Variants in BATF3 observed in about 807,000 individuals in gnomAD.
BATF3 encodes basic leucine zipper transcriptional factor ATF-like 3.
BATF3 carries 8 observed loss-of-function variants against 16.1 expected under a neutral mutation model. The ratio of observed to expected loss-of-function variants is 0.50; its 90% confidence interval spans 0.29 to 0.90. BATF3 has a LOEUF of 0.90. Among genes scored for constraint, BATF3 ranks in the 40% least tolerant of loss-of-function variants. The pLI, the probability that BATF3 is intolerant of heterozygous loss-of-function variation, is 0.08. For missense variants in BATF3, 139 were observed against 167.0 expected (o/e 0.83, Z 0.92); for synonymous variants, 74 against 72.7 (o/e 1.02, Z -0.09).
At chr1:212,691,520 G>A (rs138354567) in intron 2 of BATF3, among the ~76,000 whole-genome samples, 1 of 152,370 alleles carries the variant, frequency 6.6e-6, no homozygotes, top group African/African-American at 2.4e-5. Context: ...AGCCTTCACT[G>A]ATGCACTTCC....
At position 212,689,146 on chromosome 1, in the gene BATF3, TC is replaced by T. The variant is rs1656933972; in HGVS notation, c.196-2168del. Reference sequence around the variant, plus strand: ...AATTTCACTCATATGAAGTAATGTCTCCCCCCAAAGATCAGAAATGTAAAGG... The same window carrying T: ...AATTTCACTCATATGAAGTAATGTCTCCCCCAAAGATCAGAAATGTAAAGG... On this transcript the variant is annotated intron_variant, in intron 2 of 2. Coordinates refer to ENST00000243440, the MANE Select transcript of BATF3 (RefSeq NM_018664.3). The surrounding 1 kb of genome is among the most constrained non-coding windows in gnomAD (Gnocchi z 4.6). 1.3e-5 allele frequency among the ~76,000 whole-genome samples: 2 copies of T among 151,894 alleles called. No individual in the cohort carries two copies. Among genetic ancestry groups the T allele is most frequent in the African/African-American group, 4.8e-5 (2 of 41,330 alleles).
chr1:212,689,207 C>T lies in BATF3; in HGVS notation c.196-2228G>A, dbSNP rs191069760. 1.4e-3 allele frequency among the ~76,000 whole-genome samples: 216 copies of T among 152,326 alleles called. No individual in the cohort carries two copies. Among genetic ancestry groups the T allele is most frequent in the Non-Finnish European group, 2.8e-3 (193 of 68,024 alleles). On this transcript the variant is annotated intron_variant, in intron 2 of 2. Coordinates refer to ENST00000243440, the MANE Select transcript of BATF3 (RefSeq NM_018664.3). This position sits in a 1 kb window ranked among gnomAD's most constrained non-coding sequence, Gnocchi z 4.6. ...CTTCTGCTACTCCTCTCCTCTACCC[C>T]CTGCCTGATGCGCCACAGCACCAGC...
chr1:212,694,996 T>A (rs890363651), intron 2 of BATF3, among the ~76,000 whole-genome samples: 6 of 152,204 alleles, frequency 3.9e-5, no homozygotes, highest in African/African-American at 1.4e-4. Context: ...AAGATTGCCC[T>A]TTTCCTCTCC....
At position 212,697,021 on chromosome 1, in the gene BATF3, G is replaced by GT; in HGVS notation, c.134dup (p.Asn45LysfsTer17). 1 of 1,614,134 alleles carries GT rather than the reference G, an allele frequency of 6.2e-7. No homozygotes were observed. Among genetic ancestry groups the GT allele is most frequent in the Non-Finnish European group, 8.5e-7 (1 of 1,180,026 alleles). Reference sequence around the variant, plus strand: ...TCCGACTTCTCTGAGCAGCAACTCGGTTTTTTTCTCTCCTTCGGACCTTCC... The same window carrying GT: ...TCCGACTTCTCTGAGCAGCAACTCGGTTTTTTTTCTCTCCTTCGGACCTTCC... On this transcript the variant is annotated frameshift_variant, in exon 2 of 3. Coordinates refer to ENST00000243440, the MANE Select transcript of BATF3 (RefSeq NM_018664.3). LOFTEE classifies it high-confidence loss of function.
At chr1:212,696,848 A>T in intron 2 of BATF3, 113 bp downstream of exon 2, 1 of 794,140 alleles carries the variant, frequency 1.3e-6, no homozygotes, top group Non-Finnish European at 2.1e-6. Flanking sequence ...CCTGGCAGAA[A>T]TTAGATATGA....
chr1:212,690,264 C>T (rs571920301), intron 2 of BATF3, among the ~76,000 whole-genome samples: 6 of 152,342 alleles, frequency 3.9e-5, no homozygotes, highest in African/African-American at 1.4e-4. Context: ...GCAAGACGCT[C>T]TGAGCTTCCC....
At chr1:212,691,109 G>T (rs1400745750) in intron 2 of BATF3, among the ~76,000 whole-genome samples, 1 of 152,166 alleles carries the variant, frequency 6.6e-6, no homozygotes, top group African/African-American at 2.4e-5. Context: ...GCATCTAGGA[G>T]CAGGTGACTG....
Position 212,696,964 on chromosome 1 carries a change from A to G in BATF3, c.192T>C (p.His64=), listed in dbSNP as rs1476658712. 2 of 1,613,920 alleles carry G rather than the reference A, an allele frequency of 1.2e-6. No individual in the cohort carries two copies. Among genetic ancestry groups the G allele is most frequent in the African/African-American group, 2.7e-5 (2 of 74,914 alleles). Residue 64 remains histidine, a synonymous_variant, in exon 2 of 3, where the codon CAT becomes CAC. Coordinates refer to ENST00000243440, the MANE Select transcript of BATF3 (RefSeq NM_018664.3). The stretch of plus-strand genomic sequence containing the variant: ...CTTGCCCCTACCACGGTCTCACCTC[A>G]TGGAGCTTGTCAGCCTTCTGGGTCT... ...KKQTQKADKL[H]EEYESLEQEN...
intron 2 of BATF3, among the ~76,000 whole-genome samples, chr1:212,688,486 A>C (rs1225004876): frequency 6.6e-6 from 1 of 152,222 alleles, no homozygotes; most frequent in Admixed American, 6.5e-5. Flanking sequence ...ATGATGATGG[A>C]TGCTATGGGG....
intron 2 of BATF3, among the ~76,000 whole-genome samples, chr1:212,694,429 C>T (rs530623343): frequency 5.3e-5 from 8 of 152,208 alleles, no homozygotes; most frequent in African/African-American, 1.7e-4. Flanking sequence ...CTCTTTGTGA[C>T]CCAATGGCAA....
intron 2 of BATF3, among the ~76,000 whole-genome samples, chr1:212,695,100 T>G (rs995492491): frequency 6.6e-6 from 1 of 152,218 alleles, no homozygotes; most frequent in Non-Finnish European, 1.5e-5. Flanking sequence ...CAATGCCTCA[T>G]GCCTGTAATT....
intron 2 of BATF3, among the ~76,000 whole-genome samples, chr1:212,694,616 T>G (rs1347343828): frequency 1.3e-5 from 2 of 152,224 alleles, no homozygotes; most frequent in Non-Finnish European, 2.9e-5. Context: ...AGTAATGCCT[T>G]GGCCATCCAG....
chr1:212,690,937 C>G (rs1315529619), intron 2 of BATF3, among the ~76,000 whole-genome samples: 1 of 152,206 alleles, frequency 6.6e-6, no homozygotes, highest in Non-Finnish European at 1.5e-5. Flanking sequence ...TGTATGGAGA[C>G]AGTTTGGGTT....
rs535938713 is a variant in BATF3, at chr1:212,699,167, G to C, written c.90+506C>G. On this transcript the variant is annotated intron_variant, in intron 1 of 2. Transcript: ENST00000243440. This position sits in a 1 kb window ranked among gnomAD's most constrained non-coding sequence, Gnocchi z 4.4. Reference sequence around the variant, plus strand: ...GACAGCGAACTGGGAAGGGGCAAAGGGTTTCCACCAGCTGGGGGCGGAGTC... The same window carrying C: ...GACAGCGAACTGGGAAGGGGCAAAGCGTTTCCACCAGCTGGGGGCGGAGTC... Among the ~76,000 whole-genome samples, 844 of 152,348 alleles carry C rather than the reference G, an allele frequency of 5.5e-3. 6 individuals carry two copies. The highest frequency in any genetic ancestry group is 6.0e-3 in the Non-Finnish European group (408 of 68,040).
Position 212,689,531 on chromosome 1 carries a change from T to G in BATF3, c.196-2552A>C, listed in dbSNP as rs1258909021. Among the ~76,000 whole-genome samples the G allele has an allele frequency of 6.6e-6, 1 of 152,150 alleles. No homozygotes were observed. The highest frequency in any genetic ancestry group is 1.5e-5 in the Non-Finnish European group (1 of 68,016). On this transcript the variant is annotated intron_variant, in intron 2 of 2. Transcript: ENST00000243440. This position sits in a 1 kb window ranked among gnomAD's most constrained non-coding sequence, Gnocchi z 4.6. Reference sequence around the variant, plus strand: ...AGCCTTCATGCCCTCCTTTGACCTCTGACAAGCTCTAGTTCTGGAGTGAGA... The same window carrying G: ...AGCCTTCATGCCCTCCTTTGACCTCGGACAAGCTCTAGTTCTGGAGTGAGA...
intron 2 of BATF3, among the ~76,000 whole-genome samples, chr1:212,690,877 A>G (rs1656984094): frequency 6.6e-6 from 1 of 152,228 alleles, no homozygotes; most frequent in Non-Finnish European, 1.5e-5. Flanking sequence ...TGCCTAAGGC[A>G]GTGGATCTCA....
At chr1:212,695,914 T>C (rs1375948060) in intron 2 of BATF3, among the ~76,000 whole-genome samples, 1 of 152,188 alleles carries the variant, frequency 6.6e-6, no homozygotes, top group Non-Finnish European at 1.5e-5. Flanking sequence ...CTCCATTAAC[T>C]GCAGTTTGAA....
chr1:212,688,339 G>A (rs780987744), intron 2 of BATF3, among the ~76,000 whole-genome samples: 11 of 152,196 alleles, frequency 7.2e-5, no homozygotes, highest in Non-Finnish European at 1.5e-4. Flanking sequence ...GCAATGCATG[G>A]TTCTGGAGAC....
chr1:212,698,393 T>C (rs1009452295), intron 1 of BATF3: 5 of 152,230 alleles, frequency 3.3e-5, no homozygotes, highest in African/African-American at 9.6e-5. Context: ...ATGTATTAAC[T>C]GAGCACCTAC....
Sources: gnomAD v4.1 joint callset for allele counts (sites outside exome capture counted in the v4.1 genomes callset) on GRCh38, gnomAD v4.1.1 for gene constraint, Gnocchi (gnomAD v3.1) non-coding constraint, MANE v1.5 for transcripts, NCBI Gene and HGNC (gene_info 2026-07-23, HGNC 2026-07-21) for gene names.